The following LRGUK variants were observed in gnomAD, a reference collection of about 807,000 sequenced individuals.
LRGUK encodes leucine rich repeats and guanylate kinase domain containing.
A neutral mutation model predicts 76.0 loss-of-function variants in LRGUK; 65 were observed. That is an observed-to-expected ratio of 0.85 (90% CI 0.70 to 1.05). The LOEUF (loss-of-function observed/expected upper bound fraction) is 1.05. Among genes scored for constraint, LRGUK ranks in the 50% least tolerant of loss-of-function variants. LRGUK has a pLI of 0.00. For synonymous variants in LRGUK, 268 were observed against 265.6 expected, an observed-to-expected ratio of 1.01 and a Z score of -0.09; for missense variants, 758 against 732.8, an observed-to-expected ratio of 1.03 and a Z score of -0.40.
At chr7:134,199,004 G>C (rs1281503942) in intron 13 of LRGUK, among the ~76,000 whole-genome samples, 1 of 152,154 alleles carries the variant, frequency 6.6e-6, no homozygotes, top group Non-Finnish European at 1.5e-5. Flanking sequence ...GGAGTGAATT[G>C]TAATATTTCC....
exon 7 of LRGUK, chr7:134,163,397 A>G: frequency 6.2e-7 from 1 of 1,606,602 alleles, no homozygotes; most frequent in Non-Finnish European, 8.5e-7. Flanking sequence ...TCTGTTTTAG[A>G]GCAATAACCA....
Position 134,157,986 on chromosome 7 carries a change from TCCAAA to T in LRGUK, c.671-48_671-44del, listed in dbSNP as rs1585458346. 7.7e-6 allele frequency: 12 copies of T among 1,562,262 alleles called. No homozygotes were observed. The Admixed American group carries it at 8.5e-5, about 11-fold the overall frequency. ...GATTTAACACTGATTCTTTTTTTCT[TCCAAA>T]TGCTTTTAATAACATTTTCCTTAAA... On this transcript the variant is annotated intron_variant, in intron 5 of 15. Coordinates refer to ENST00000645682, the Ensembl canonical transcript of LRGUK.
intron 16 of LRGUK, among the ~76,000 whole-genome samples, chr7:134,228,127 T>C (rs1370448502): frequency 6.6e-6 from 1 of 152,084 alleles, no homozygotes; most frequent in Non-Finnish European, 1.5e-5. Flanking sequence ...ATAAAATTAC[T>C]TTCAAAAAAA....
chr7:134,137,042 T>C, exon 2 of LRGUK: 1 of 1,613,404 alleles, frequency 6.2e-7, no homozygotes, highest in Non-Finnish European at 8.5e-7. Context: ...GATGGGGTCC[T>C]GAGAGAGGAG....
chr7:134,201,661 C>A, intron 15 of LRGUK, 85 bp downstream of exon 15: 1 of 914,788 alleles, frequency 1.1e-6, no homozygotes, highest in Non-Finnish European at 1.7e-6. Flanking sequence ...GGGTACTCAT[C>A]ACTTGGGCTA....
chr7:134,259,224 T>G (rs968078081), intron 19 of LRGUK, among the ~76,000 whole-genome samples: 1 of 152,136 alleles, frequency 6.6e-6, no homozygotes, highest in Non-Finnish European at 1.5e-5. Context: ...GAATGGCCAT[T>G]GCACTTTTCT....
Position 134,199,438 on chromosome 7 carries a change from A to C in LRGUK, c.1747+17A>C, listed in dbSNP as rs772890924. ...TCAATGCAGGTTGGTAATTTTCAGC[A>C]AAGTTTTGTTTTTGAAATGTAAGAT... On this transcript the variant is annotated intron_variant, in intron 14 of 15. Coordinates refer to ENST00000645682, the Ensembl canonical transcript of LRGUK. 6.2e-6 allele frequency: 10 copies of C among 1,600,576 alleles called. No individual in the cohort carries two copies. Among genetic ancestry groups the C allele is most frequent in the Middle Eastern group, 1.7e-4 (1 of 6,004 alleles).
intron 10 of LRGUK, among the ~76,000 whole-genome samples, chr7:134,178,945 A>AAAAAAACCAAAAAAAAAAC (rs1249630293): frequency 6.7e-6 from 1 of 149,932 alleles, no homozygotes; most frequent in African/African-American, 2.4e-5. Context: ...AAAAAAAAAA[A>AAAAAAACCAAAAAAAAAAC]AAACCAGGAC....
chr7:134,223,899 G>C (rs535854352), intron 16 of LRGUK, among the ~76,000 whole-genome samples: 21 of 152,276 alleles, frequency 1.4e-4, no homozygotes, highest in Admixed American at 1.0e-3. Context: ...TGGAATTACA[G>C]GCATGAGTCA....
At chr7:134,191,602 C>G (rs1342606473) in intron 11 of LRGUK, 53 bp from the exon 12 acceptor site, 1 of 1,160,000 alleles carries the variant, frequency 8.6e-7, no homozygotes, top group Admixed American at 2.0e-5. Context: ...AAACCTTTTC[C>G]ATTTTGAATT....
chr7:134,214,205 T>C (rs1801370831), downstream of LRGUK, among the ~76,000 whole-genome samples: 2 of 151,054 alleles, frequency 1.3e-5, no homozygotes, highest in South Asian at 4.2e-4. Context: ...CATTATAAGT[T>C]GAAACAGGAT....
At chr7:134,183,948 T>G in intron 11 of LRGUK, 95 bp downstream of exon 11, 3 of 1,463,620 alleles carry the variant, frequency 2.0e-6, no homozygotes, top group Non-Finnish European at 2.8e-6. Context: ...TTGCTAATGT[T>G]GGCTATTAAT....
At position 134,199,982 on chromosome 7, in the gene LRGUK, TTATATATATATATATATATA is replaced by T. The variant is rs71172442; in HGVS notation, c.1747+589_1747+608del. ...TTCTATAGATATATTCTAGAAACTT[TTATATATATATATATATATA>T]TATATATATATATATATATATATAT... On this transcript the variant is annotated intron_variant, in intron 14 of 15. Coordinates refer to ENST00000645682, the Ensembl canonical transcript of LRGUK. 7.0e-3 allele frequency among the ~76,000 whole-genome samples: 269 copies of T among 38,422 alleles called. 3 individuals are homozygous for T. The highest frequency in any genetic ancestry group is 0.021 in the Middle Eastern group (1 of 48). 25.2% of individuals were successfully genotyped at this position (38,422 alleles called of 152,430 possible). A position where few individuals can be genotyped will look rare whatever the true frequency, so the allele number is the denominator to read the frequency against.
At chr7:134,155,277 G>A (rs148201076) in intron 5 of LRGUK, among the ~76,000 whole-genome samples, 44 of 152,116 alleles carry the variant, frequency 2.9e-4, no homozygotes, top group Admixed American at 9.8e-4. Context: ...GTTACAATCC[G>A]TATCTACAAA....
At chr7:134,246,560 C>A (rs2598261) in intron 16 of LRGUK, among the ~76,000 whole-genome samples, 11,812 of 152,292 alleles carry the variant, frequency 0.078, 1,120 homozygotes, top group African/African-American at 0.22. Context: ...CACCACCTTT[C>A]ACTATCGTCT....
At chr7:134,131,755 A>C (rs896311812) in intron 1 of LRGUK, among the ~76,000 whole-genome samples, 1 of 152,190 alleles carries the variant, frequency 6.6e-6, no homozygotes, top group Non-Finnish European at 1.5e-5. Context: ...GCTGTTATCT[A>C]TCATAGGAAT....
intron 1 of LRGUK, among the ~76,000 whole-genome samples, chr7:134,134,060 T>TA (rs34615919): frequency 0.22 from 32,607 of 145,514 alleles, 4,477 homozygotes; most frequent in South Asian, 0.35. Context: ...AGACCATGCC[T>TA]AAAAAAAAAA....
chr7:134,182,922 C>T (rs573593285), intron 10 of LRGUK, among the ~76,000 whole-genome samples: 11 of 152,246 alleles, frequency 7.2e-5, no homozygotes, highest in South Asian at 2.1e-4. Context: ...CCACCATGCC[C>T]GCTAATTCTG....
chr7:134,217,079 CTCTTGAAATTTACCTGTTCTATGTGT>C, intron 15 of LRGUK, among the ~76,000 whole-genome samples: 1 of 151,966 alleles, frequency 6.6e-6, no homozygotes, highest in South Asian at 2.1e-4. Context: ...CAAGTTTCCA[CTCTTGAAATTTACCTGTTCTATGTGT>C]TTTATCTTCT....
Sources: gnomAD v4.1 joint callset for allele counts (sites outside exome capture counted in the v4.1 genomes callset) on GRCh38, gnomAD v4.1.1 for gene constraint, MANE v1.5 for transcripts, NCBI Gene and HGNC (gene_info 2026-07-23, HGNC 2026-07-21) for gene names.